NAALADL2: variants seen among roughly 807,000 people sequenced by gnomAD.
The protein encoded by NAALADL2 is inactive N-acetylated-alpha-linked acidic dipeptidase-like protein 2.
A neutral mutation model predicts 87.2 loss-of-function variants in NAALADL2; 76 were observed. The ratio of observed to expected loss-of-function variants is 0.87; its 90% CI spans 0.72 to 1.05. The LOEUF is 1.05. Ranked by LOEUF, NAALADL2 falls within the 50% of genes least tolerant of loss-of-function variation. The pLI, the probability that NAALADL2 is intolerant of heterozygous loss-of-function variation, is 0.00. For synonymous variants in NAALADL2, 354 were observed against 331.0 expected (o/e 1.07, Z -0.75); for missense variants, 1,089 against 945.8 (o/e 1.15, Z -1.99).
At chr3:175,021,435 C>G (rs554595269) in intron 1 of NAALADL2, among the ~76,000 whole-genome samples, 1 of 152,064 alleles carries the variant, frequency 6.6e-6, no homozygotes, top group Non-Finnish European at 1.5e-5. Flanking sequence ...AAAAAAGATA[C>G]AACCCAGGTC....
intron 1 of NAALADL2, among the ~76,000 whole-genome samples, chr3:174,927,323 T>C (rs1212252532): frequency 6.6e-6 from 1 of 152,084 alleles, no homozygotes; most frequent in Non-Finnish European, 1.5e-5. Context: ...AATAAGGATA[T>C]CCAGAAATTG....
rs555147891 is a variant in NAALADL2 at position 175,414,582 on chromosome 3, CTTA to C, written c.1091-32639_1091-32637del. Among the ~76,000 whole-genome samples, 4 of 152,040 alleles carry C rather than the reference CTTA, an allele frequency of 2.6e-5. No individual in the cohort carries two copies. In the East Asian group the frequency reaches 7.7e-4, roughly 29 times the overall value. On this transcript the variant is annotated intron_variant, in intron 5 of 13. Coordinates refer to ENST00000454872, the MANE Select transcript of NAALADL2 (RefSeq NM_207015.3). ...AAAACGTAAAGTCAAAAGTCTTCTC[CTTA>C]TTATTATATGCTAAAAGAAAGGTTA...
intron 4 of NAALADL2, among the ~76,000 whole-genome samples, chr3:175,322,763 A>T (rs1760081237): frequency 1.3e-5 from 2 of 148,598 alleles, no homozygotes; most frequent in South Asian, 4.3e-4. Flanking sequence ...GCCATCAGAG[A>T]AATGCAAATC....
chr3:175,705,474 C>A (rs866864067), intron 11 of NAALADL2, among the ~76,000 whole-genome samples: 11 of 150,598 alleles, frequency 7.3e-5, no homozygotes, highest in South Asian at 2.1e-4. Context: ...ACCTCACAAA[C>A]AAGTATTTTC....
chr3:175,586,715 T>A (rs541574069), intron 10 of NAALADL2, among the ~76,000 whole-genome samples: 2 of 152,352 alleles, frequency 1.3e-5, no homozygotes, highest in South Asian at 4.1e-4. Context: ...TTATTCATGA[T>A]GATTCTTATT....
chr3:175,043,753 A>G (rs1754356200), intron 1 of NAALADL2, among the ~76,000 whole-genome samples: 1 of 152,122 alleles, frequency 6.6e-6, no homozygotes, highest in Admixed American at 6.5e-5. Flanking sequence ...TATTTATGTC[A>G]GTACCATACT....
chr3:174,449,665 A>G (rs1033420661), intron 1 of NAALADL2, among the ~76,000 whole-genome samples: 21 of 152,212 alleles, frequency 1.4e-4, no homozygotes, highest in African/African-American at 4.1e-4. Context: ...TTTGAAAATT[A>G]TGATTTATGT....
At chr3:174,684,691 A>G (rs1431608021) in intron 2 of NAALADL2, among the ~76,000 whole-genome samples, 2 of 152,114 alleles carry the variant, frequency 1.3e-5, no homozygotes, top group Non-Finnish European at 1.5e-5. Context: ...ATTGTGTTCT[A>G]TGACATAGGA....
At chr3:175,170,745 T>C (rs1036081173) in intron 2 of NAALADL2, among the ~76,000 whole-genome samples, 9 of 151,492 alleles carry the variant, frequency 5.9e-5, no homozygotes, top group African/African-American at 1.9e-4. Flanking sequence ...ATAATTAAAT[T>C]ATGGAAATTC....
chr3:175,230,253 G>A (rs778158268), intron 2 of NAALADL2, among the ~76,000 whole-genome samples: 4 of 151,974 alleles, frequency 2.6e-5, no homozygotes, highest in Non-Finnish European at 4.4e-5. Flanking sequence ...CATGACCACA[G>A]CATTGAGGAT....
chr3:175,535,069 T>C (rs144382238), intron 9 of NAALADL2, among the ~76,000 whole-genome samples: 2 of 152,048 alleles, frequency 1.3e-5, no homozygotes, highest in African/African-American at 4.8e-5. Context: ...ATTAGAGCAA[T>C]CAGATTCACA....
chr3:175,382,533 G>T, intron 5 of NAALADL2, among the ~76,000 whole-genome samples: 1 of 95,514 alleles, frequency 1.0e-5, no homozygotes, highest in Non-Finnish European at 2.3e-5. Context: ...AATGACCCAT[G>T]GTTATAAGAA....
chr3:175,041,968 C>T (rs1031550266), intron 1 of NAALADL2, among the ~76,000 whole-genome samples: 1 of 152,112 alleles, frequency 6.6e-6, no homozygotes, highest in African/African-American at 2.4e-5. Flanking sequence ...TATATTTCAA[C>T]TGTACAAAAC....
chr3:175,756,995 A>C (rs1012681816), intron 13 of NAALADL2, among the ~76,000 whole-genome samples: 1 of 151,086 alleles, frequency 6.6e-6, no homozygotes, highest in Non-Finnish European at 1.5e-5. Flanking sequence ...GTGTATATAT[A>C]TTTTTTATAT....
intron 5 of NAALADL2, among the ~76,000 whole-genome samples, chr3:175,435,676 C>A (rs1718512775): frequency 6.6e-6 from 1 of 151,936 alleles, no homozygotes; most frequent in South Asian, 2.1e-4. Context: ...TTGTACCTAA[C>A]CAATATAAAT....
At chr3:175,549,048 T>C (rs1056938713) in intron 9 of NAALADL2, among the ~76,000 whole-genome samples, 4 of 152,186 alleles carry the variant, frequency 2.6e-5, no homozygotes, top group African/African-American at 9.6e-5. Flanking sequence ...GCTCTCCTTC[T>C]GAATTAATAT....
intron 5 of NAALADL2, among the ~76,000 whole-genome samples, chr3:175,423,945 A>G (rs1440091605): frequency 6.6e-6 from 1 of 152,152 alleles, no homozygotes; most frequent in East Asian, 1.9e-4. Flanking sequence ...CTGAGTTTTT[A>G]ATGATAGCCT....
intron 13 of NAALADL2, among the ~76,000 whole-genome samples, chr3:175,795,793 C>T (rs1753402931): frequency 6.6e-6 from 1 of 151,952 alleles, no homozygotes; most frequent in African/African-American, 2.4e-5. Context: ...TGAAAATCAC[C>T]TCAAAATCTA....
At chr3:174,781,111 C>T (rs957989708) in intron 3 of NAALADL2, among the ~76,000 whole-genome samples, 2 of 152,066 alleles carry the variant, frequency 1.3e-5, no homozygotes, top group East Asian at 1.9e-4. Context: ...TTGGCCCCCA[C>T]TCTCTTCTGG....
Sources: allele counts gnomAD v4.1 joint callset (sites outside exome capture counted in the v4.1 genomes callset), GRCh38; gene constraint gnomAD v4.1.1; transcripts MANE v1.5; gene names NCBI Gene and HGNC (gene_info 2026-07-23, HGNC 2026-07-21).